SOX6: variants seen among roughly 807,000 people sequenced by gnomAD.
SOX6 encodes the protein SRY-box transcription factor 6.
SOX6 carries 11 observed loss-of-function variants against 97.8 expected under a neutral mutation model. The observed-to-expected ratio is 0.11, with a 90% CI of 0.07 to 0.19. The LOEUF (loss-of-function observed/expected upper bound fraction) is 0.19. Among genes scored for constraint, SOX6 ranks in the 10% least tolerant of loss-of-function variants. SOX6 has a pLI of 1.00. For synonymous variants in SOX6, 360 were observed against 371.4 expected, an observed-to-expected ratio of 0.97 and a Z score of 0.35; for missense variants, 810 against 1,039.5, an observed-to-expected ratio of 0.78 and a Z score of 3.04.
chr11:16,708,424 G>C (rs1158279608), intron 3 of SOX6, among the ~76,000 whole-genome samples: 3 of 152,142 alleles, frequency 2.0e-5, no homozygotes, highest in Non-Finnish European at 4.4e-5. Flanking sequence ...TAGTTTGATG[G>C]TATAGGTGCC....
chr11:15,980,625 C>CT (rs545399228), intron 15 of SOX6, among the ~76,000 whole-genome samples: 4 of 151,972 alleles, frequency 2.6e-5, no homozygotes, highest in Middle Eastern at 3.4e-3. Context: ...TAGGCTGCTT[C>CT]TTTTTTTTAC....
At chr11:16,698,793 G>C (rs993763969) in intron 3 of SOX6, among the ~76,000 whole-genome samples, 1 of 152,170 alleles carries the variant, frequency 6.6e-6, no homozygotes, top group Admixed American at 6.5e-5. Flanking sequence ...GGCTGGTAGA[G>C]CAGTTAGAAC....
At chr11:16,215,181 G>A (rs979995954) in intron 4 of SOX6, among the ~76,000 whole-genome samples, 17 of 152,090 alleles carry the variant, frequency 1.1e-4, no homozygotes, top group African/African-American at 4.1e-4. Context: ...ATCATGATGA[G>A]CAAAAGAGAA....
At chr11:15,988,161 T>A (rs951612605) in intron 14 of SOX6, among the ~76,000 whole-genome samples, 7 of 152,252 alleles carry the variant, frequency 4.6e-5, no homozygotes, top group Admixed American at 3.3e-4. Flanking sequence ...TCGTGACAGC[T>A]TTAAGTAGAG....
At chr11:16,154,145 T>C (rs935500914) in intron 6 of SOX6, among the ~76,000 whole-genome samples, 1 of 152,050 alleles carries the variant, frequency 6.6e-6, no homozygotes. Context: ...ATGCAAGTCA[T>C]AGCAAAGATA....
At chr11:16,524,440 A>T (rs1378080529) in intron 4 of SOX6, among the ~76,000 whole-genome samples, 3 of 152,154 alleles carry the variant, frequency 2.0e-5, no homozygotes, top group Non-Finnish European at 4.4e-5. Flanking sequence ...CCTTCATGCT[A>T]ATAAAAACTC....
chr11:16,307,283 AG>A (rs201517473), intron 3 of SOX6, among the ~76,000 whole-genome samples: 2 of 152,214 alleles, frequency 1.3e-5, no homozygotes, highest in East Asian at 3.9e-4. Context: ...AAGAAGCAAA[AG>A]GGGCATAATT....
At chr11:16,690,968 G>A (rs1228661801) in intron 3 of SOX6, among the ~76,000 whole-genome samples, 2 of 152,202 alleles carry the variant, frequency 1.3e-5, no homozygotes, top group African/African-American at 4.8e-5. Context: ...CTGAAGATTA[G>A]GTAACTCCCC....
intron 4 of SOX6, among the ~76,000 whole-genome samples, chr11:16,602,928 G>A (rs1430686811): frequency 6.6e-6 from 1 of 152,042 alleles, no homozygotes; most frequent in Admixed American, 6.5e-5. Context: ...GACTGAGGCG[G>A]AAGAATCGCT....
chr11:16,003,232 A>G (rs1294791668), intron 13 of SOX6, among the ~76,000 whole-genome samples: 2 of 151,924 alleles, frequency 1.3e-5, no homozygotes, highest in Non-Finnish European at 2.9e-5. Flanking sequence ...TTTTTGTGTC[A>G]TAACACTGAA....
intron 3 of SOX6, among the ~76,000 whole-genome samples, chr11:16,639,492 A>G (rs923251989): frequency 6.6e-6 from 1 of 152,182 alleles, no homozygotes; most frequent in Non-Finnish European, 1.5e-5. Flanking sequence ...TTGAATCTAT[A>G]AATTACCTTG....
chr11:16,250,079 G>A (rs565165963), intron 3 of SOX6, among the ~76,000 whole-genome samples: 24 of 152,174 alleles, frequency 1.6e-4, no homozygotes, highest in Admixed American at 4.6e-4. Flanking sequence ...CCAACCCCTG[G>A]GCCATGGACT....
intron 9 of SOX6, among the ~76,000 whole-genome samples, chr11:16,089,669 T>C (rs764625821): frequency 6.6e-6 from 1 of 152,070 alleles, no homozygotes; most frequent in Non-Finnish European, 1.5e-5. Flanking sequence ...AAAGAGGAAC[T>C]GGCAGAACAG....
chr11:16,628,164 T>C (rs1429922037), intron 3 of SOX6, among the ~76,000 whole-genome samples: 1 of 152,204 alleles, frequency 6.6e-6, no homozygotes, highest in African/African-American at 2.4e-5. Context: ...AATCTGTTTT[T>C]ATGGCAGTTC....
At chr11:16,162,947 A>C (rs1850790330) in intron 6 of SOX6, among the ~76,000 whole-genome samples, 1 of 152,152 alleles carries the variant, frequency 6.6e-6, no homozygotes, top group African/African-American at 2.4e-5. Flanking sequence ...AAGTGAGAAG[A>C]AAGAGGAAGG....
At chr11:16,152,621 G>A (rs1850486957) in intron 6 of SOX6, among the ~76,000 whole-genome samples, 1 of 152,156 alleles carries the variant, frequency 6.6e-6, no homozygotes, top group Non-Finnish European at 1.5e-5. Flanking sequence ...TTATATAATA[G>A]TGACTGAATT....
chr11:16,137,812 G>T (rs1796999605), intron 6 of SOX6, among the ~76,000 whole-genome samples: 1 of 152,076 alleles, frequency 6.6e-6, no homozygotes, highest in Non-Finnish European at 1.5e-5. Context: ...ATCCTGTTCT[G>T]GTGATAGTGA....
intron 3 of SOX6, among the ~76,000 whole-genome samples, chr11:16,239,300 T>TCA (rs555684518): frequency 1.2e-3 from 177 of 151,964 alleles, no homozygotes; most frequent in Non-Finnish European, 2.2e-3. Flanking sequence ...CTCATGCTCT[T>TCA]CTCTCTCTCT....
At chr11:16,645,537 G>A (rs1396397960) in intron 3 of SOX6, among the ~76,000 whole-genome samples, 1 of 152,202 alleles carries the variant, frequency 6.6e-6, no homozygotes, top group Admixed American at 6.5e-5. Context: ...GATTGCAGAT[G>A]TAATGAGTTA....
Sources: gnomAD v4.1 joint callset for allele counts (sites outside exome capture counted in the v4.1 genomes callset) on GRCh38, gnomAD v4.1.1 for gene constraint, MANE v1.5 for transcripts, NCBI Gene and HGNC (gene_info 2026-07-23, HGNC 2026-07-21) for gene names.